TBC1D4: variants seen among roughly 807,000 people sequenced by gnomAD.
The protein encoded by TBC1D4 is TBC1 domain family member 4.
A neutral mutation model predicts 142.5 loss-of-function variants in TBC1D4; 121 were observed. The observed-to-expected ratio is 0.85, with a 90% CI of 0.73 to 0.99. The LOEUF is 0.99. Ranked by LOEUF, TBC1D4 falls within the 50% of genes least tolerant of loss-of-function variation. The probability of loss-of-function intolerance (pLI) is 0.00; values close to 1 mark genes in which losing one functional copy is unlikely to be tolerated. For missense variants in TBC1D4, 1,475 were observed against 1,606.6 expected, an observed-to-expected ratio of 0.92 and a Z score of 1.40; for synonymous variants, 630 against 628.2, an observed-to-expected ratio of 1.00 and a Z score of -0.04.
chr13:75,430,054 A>G (rs1003983261), intron 1 of TBC1D4, among the ~76,000 whole-genome samples: 2 of 152,224 alleles, frequency 1.3e-5, no homozygotes, highest in African/African-American at 2.4e-5. Context: ...GGTTAAACAG[A>G]ACAAGCTCTA....
At chr13:75,389,654 T>C (rs1194372280) in intron 1 of TBC1D4, among the ~76,000 whole-genome samples, 1 of 152,188 alleles carries the variant, frequency 6.6e-6, no homozygotes, top group Non-Finnish European at 1.5e-5. Context: ...TTTTGACCAA[T>C]TAAATATTGC....
At chr13:75,324,477 T>A in intron 10 of TBC1D4, 76 bp from the exon 11 acceptor site, 1 of 1,536,234 alleles carries the variant, frequency 6.5e-7, no homozygotes, top group Non-Finnish European at 8.9e-7. Context: ...AAAAAGCATA[T>A]AAACAGGTTC....
intron 16 of TBC1D4, 93 bp from the exon 17 acceptor site, chr13:75,299,667 C>A (rs1192359104): frequency 1.4e-6 from 2 of 1,459,148 alleles, no homozygotes; most frequent in African/African-American, 2.8e-5. Flanking sequence ...CAAGAATAAA[C>A]AGACACTCTT....
intron 1 of TBC1D4, among the ~76,000 whole-genome samples, chr13:75,375,206 G>A (rs1309694803): frequency 6.6e-6 from 1 of 152,184 alleles, no homozygotes; most frequent in Non-Finnish European, 1.5e-5. Context: ...AGAGGAAAAT[G>A]AAATTAGATC....
Position 75,311,122 on chromosome 13 carries a change from C to A in TBC1D4, c.2384-971G>T, listed in dbSNP as rs183851246. 3.0e-4 allele frequency among the ~76,000 whole-genome samples: 45 copies of A among 152,286 alleles called. 1 individual carries two copies. The highest frequency in any genetic ancestry group is 1.8e-3 in the Admixed American group (27 of 15,294). ...AAAACATTTCAATGGTTGCTTATAT[C>A]GCAAGAACAAATTGGGACTAGCATT... is the stretch of plus-strand genomic sequence containing the variant. On this transcript the variant is annotated intron_variant, in intron 13 of 20. Coordinates refer to ENST00000377636, the MANE Select transcript of TBC1D4 (RefSeq NM_014832.5).
At chr13:75,351,334 T>A (rs1226408682) in intron 4 of TBC1D4, among the ~76,000 whole-genome samples, 10 of 152,192 alleles carry the variant, frequency 6.6e-5, no homozygotes, top group Admixed American at 5.9e-4. Context: ...AAAATTTAAA[T>A]TTTTAAATTA....
rs111563620 is a variant in TBC1D4 at position 75,303,315 on chromosome 13, T to TA, written c.2753-915dup. Among the ~76,000 whole-genome samples, 317 of 148,072 alleles carry TA rather than the reference T, an allele frequency of 2.1e-3. 2 individuals carry two copies. Among genetic ancestry groups the TA allele is most frequent in the African/African-American group, 6.8e-3 (276 of 40,358 alleles). The stretch of plus-strand genomic sequence containing the variant: ...CTGGGAGACACAGCGAGACTCTGTC[T>TA]AAAAAAAAAAGAAATAATATAAGTA... On this transcript the variant is annotated intron_variant, in intron 15 of 20. Coordinates refer to ENST00000377636, the MANE Select transcript of TBC1D4 (RefSeq NM_014832.5).
Position 75,362,617 on chromosome 13 carries a change from A to G in TBC1D4, c.499-10T>C. 6.2e-7 allele frequency: 1 copy of G among 1,613,694 alleles called. No individual in the cohort carries two copies. Among genetic ancestry groups the G allele is most frequent in the Non-Finnish European group, 8.5e-7 (1 of 1,179,874 alleles). ...TAATAACATCAGGAACCTGGGGGAA[A>G]AAATTAAAACCCTGATTCTAGTTGA... On this transcript the variant is annotated splice_polypyrimidine_tract_variant and intron_variant, in intron 1 of 20. Coordinates refer to ENST00000377636, the MANE Select transcript of TBC1D4 (RefSeq NM_014832.5). The surrounding 1 kb of genome is among the most constrained non-coding windows in gnomAD (Gnocchi z 4.2).
intron 15 of TBC1D4, chr13:75,302,698 G>C (rs1362088147): frequency 4.6e-6 from 2 of 438,942 alleles, no homozygotes; most frequent in Non-Finnish European, 8.4e-6. Context: ...TAGCTACTAA[G>C]CACATGCACT....
At chr13:75,395,208 A>C (rs75734876) in intron 1 of TBC1D4, among the ~76,000 whole-genome samples, 2 of 152,248 alleles carry the variant, frequency 1.3e-5, no homozygotes, top group Non-Finnish European at 2.9e-5. Flanking sequence ...ACTACTCAAC[A>C]GTGGATAAGG....
At position 75,362,609 on chromosome 13, in the gene TBC1D4, T is replaced by G. The variant is rs1882631521; in HGVS notation, c.499-2A>C. The G allele has an allele frequency of 6.2e-7, 1 of 1,613,574 alleles. No individual in the cohort carries two copies. Among genetic ancestry groups the G allele is most frequent in the South Asian group, 1.1e-5 (1 of 91,032 alleles). On this transcript the variant is annotated splice_acceptor_variant, in intron 1 of 20. Coordinates refer to ENST00000377636, the MANE Select transcript of TBC1D4 (RefSeq NM_014832.5). LOFTEE classifies it high-confidence loss of function. This position sits in a 1 kb window ranked among gnomAD's most constrained non-coding sequence, Gnocchi z 4.2. ...TATGCTGCTAATAACATCAGGAACC[T>G]GGGGGAAAAAATTAAAACCCTGATT...
chr13:75,383,542 T>C (rs903138095), intron 1 of TBC1D4, among the ~76,000 whole-genome samples: 2 of 152,236 alleles, frequency 1.3e-5, no homozygotes, highest in African/African-American at 4.8e-5. Context: ...TCTGTGGTTT[T>C]AGTTACCTGC....
chr13:75,465,389 G>A (rs1033938064), intron 1 of TBC1D4, among the ~76,000 whole-genome samples: 4 of 152,196 alleles, frequency 2.6e-5, no homozygotes, highest in African/African-American at 9.7e-5. Flanking sequence ...ATGAAGGAAT[G>A]GTTGAGGGAA....
intron 1 of TBC1D4, among the ~76,000 whole-genome samples, chr13:75,401,151 A>T (rs1885070883): frequency 6.6e-6 from 1 of 152,146 alleles, no homozygotes; most frequent in African/African-American, 2.4e-5. Context: ...AAACAAGGAA[A>T]ATATTTTCAA....
intron 1 of TBC1D4, among the ~76,000 whole-genome samples, chr13:75,392,838 G>A (rs982011546): frequency 3.9e-5 from 6 of 151,952 alleles, no homozygotes; most frequent in Admixed American, 2.0e-4. Context: ...ATAGGGTCTC[G>A]ATATATTGCC....
Position 75,309,967 on chromosome 13 carries a change from C to T in TBC1D4, c.2568G>A (p.Met856Ile), listed in dbSNP as rs1378239130. Reference protein sequence around the residue: ...AIHQQILLLRMEKENQKLEAS... With the variant: ...AIHQQILLLRIEKENQKLEAS... ...CTTCAAGTTTCTGGTTTTCTTTTTC[C>T]ATTCGAAGTAACAAGATTTGTTGGT... Residue 856 changes from methionine to isoleucine, a missense_variant, in exon 14 of 21, where the codon ATG becomes ATA. Met to Ile is a conservative substitution (Grantham distance 10, BLOSUM62 1). Transcript: ENST00000377636. 2 of 1,614,100 alleles carry T rather than the reference C, an allele frequency of 1.2e-6. No homozygotes were observed. The highest frequency in any genetic ancestry group is 2.2e-5 in the East Asian group (1 of 44,886).
intron 1 of TBC1D4, among the ~76,000 whole-genome samples, chr13:75,467,690 G>GT (rs1053161157): frequency 5.2e-4 from 79 of 152,226 alleles, no homozygotes; most frequent in African/African-American, 1.8e-3. Flanking sequence ...TCCTTGTGTA[G>GT]TTTTTTCTTT....
At position 75,301,396 on chromosome 13, in the gene TBC1D4, C is replaced by A. The variant is rs1397446503; in HGVS notation, c.2911+847G>T. On this transcript the variant is annotated intron_variant, in intron 16 of 20. Transcript: ENST00000377636. ...GTGGCTCATGCCTGTAATCCCAGCA[C>A]TCTGGGAGGCCGAGGCGGGTGGATC... Among the ~76,000 whole-genome samples the A allele has an allele frequency of 2.0e-5, 3 of 152,094 alleles. No individual in the cohort carries two copies. The East Asian group carries it at 5.8e-4, about 29-fold the overall frequency.
In TBC1D4 at chr13:75,310,254, G is replaced by A. The variant is rs1038847876; in HGVS notation, c.2384-103C>T. 54 of 1,196,962 alleles carry A rather than the reference G, an allele frequency of 4.5e-5. No individual in the cohort carries two copies. The African/African-American group carries it at 7.8e-4, about 17-fold the overall frequency. 74.1% of individuals were successfully genotyped at this position (1,196,962 alleles called of 1,614,324 possible). A position where few individuals can be genotyped will look rare whatever the true frequency, so the allele number is the denominator to read the frequency against. Reference sequence around the variant, plus strand: ...CATCTGATCTTCTACACTTAAAAATGTCACAAAGCCGCTTTCCCTGTAACT... The same window carrying A: ...CATCTGATCTTCTACACTTAAAAATATCACAAAGCCGCTTTCCCTGTAACT... On this transcript the variant is annotated intron_variant, in intron 13 of 20. Transcript: ENST00000377636.
Sources: allele counts gnomAD v4.1 joint callset (sites outside exome capture counted in the v4.1 genomes callset), GRCh38; gene constraint gnomAD v4.1.1; non-coding constraint Gnocchi (gnomAD v3.1); transcripts MANE v1.5; gene names NCBI Gene and HGNC (gene_info 2026-07-23, HGNC 2026-07-21).